SIN3B: variants seen among roughly 807,000 people sequenced by gnomAD.
The protein encoded by SIN3B is paired amphipathic helix protein Sin3b.
SIN3B carries 19 observed loss-of-function variants against 120.2 expected under a neutral mutation model. That is an observed-to-expected ratio of 0.16 (90% CI 0.11 to 0.23). SIN3B has a LOEUF of 0.23. Ranked by LOEUF, SIN3B falls within the 10% of genes least tolerant of loss-of-function variation. The probability of loss-of-function intolerance (pLI) is 1.00; values close to 1 mark genes in which losing one functional copy is unlikely to be tolerated. For synonymous variants in SIN3B, 654 were observed against 653.2 expected (o/e 1.00, Z -0.02); for missense variants, 1,073 against 1,573.0 (o/e 0.68, Z 5.38).
chr19:16,862,790 G>C lies in SIN3B; in HGVS notation c.1266+231G>C, dbSNP rs1971706657. On this transcript the variant is annotated intron_variant, in intron 9 of 18. Transcript: ENST00000248054. The surrounding 1 kb of genome is among the most constrained non-coding windows in gnomAD (Gnocchi z 4.7). ...CACAGAGTGCCAGGGATAACGTGGA[G>C]TTCGGCTTATTCATCTGTTATTTGA... 4 of 1,101,890 alleles carry C rather than the reference G, an allele frequency of 3.6e-6. 1 individual carries two copies. In the South Asian group the frequency reaches 3.9e-5, roughly 11 times the overall value. 68.3% of individuals were successfully genotyped at this position (1,101,890 alleles called of 1,614,324 possible). A position where few individuals can be genotyped will look rare whatever the true frequency, so the allele number is the denominator to read the frequency against.
At chr19:16,850,691 A>G (rs1170897450) in intron 5 of SIN3B, among the ~76,000 whole-genome samples, 1 of 152,156 alleles carries the variant, frequency 6.6e-6, no homozygotes, top group Non-Finnish European at 1.5e-5. Context: ...AGCTCTGCCC[A>G]CGTCCTGCAG....
intron 16 of SIN3B, chr19:16,877,150 A>G (rs1010601423): frequency 4.2e-6 from 1 of 240,240 alleles, no homozygotes; most frequent in Non-Finnish European, 8.2e-6. Context: ...TGGGGCTACC[A>G]CCACAATGAC....
rs1476471754 is a variant in SIN3B at position 16,869,492 on chromosome 19, C to T, written c.1839C>T (p.Ala613=). The T allele has an allele frequency of 6.2e-7, 1 of 1,612,236 alleles. No homozygotes were observed. The highest frequency in any genetic ancestry group is 1.7e-5 in the Admixed American group (1 of 59,970). The change falls in exon 13 of 19, where the codon GCC becomes GCT. Residue 613 remains alanine, a synonymous_variant. Transcript: ENST00000248054. ...AGCAGCACTCGGAGGGCCGCAGTGC[C>T]CCCTCTAGCGAGCCGCACCTCATCT... ...HQEQHSEGRS[A]PSSEPHLIFV...
intron 4 of SIN3B, among the ~76,000 whole-genome samples, chr19:16,842,212 C>T (rs1971427061): frequency 1.3e-5 from 2 of 152,052 alleles, no homozygotes; most frequent in Admixed American, 1.3e-4. Flanking sequence ...TTCAGCCTCC[C>T]AAGTAGCGGA....
At chr19:16,843,674 C>G (rs907294906) in intron 4 of SIN3B, among the ~76,000 whole-genome samples, 6 of 152,154 alleles carry the variant, frequency 3.9e-5, no homozygotes, top group Non-Finnish European at 7.4e-5. Flanking sequence ...TGAATTTAGA[C>G]AAGGTCACAA....
intron 3 of SIN3B, among the ~76,000 whole-genome samples, chr19:16,833,722 G>T (rs1473674293): frequency 6.8e-6 from 1 of 146,126 alleles, no homozygotes; most frequent in Non-Finnish European, 1.5e-5. Flanking sequence ...GAGTCTCAGG[G>T]TTTTTTTTTT....
intron 5 of SIN3B, among the ~76,000 whole-genome samples, chr19:16,848,156 A>G (rs1971502288): frequency 6.6e-6 from 1 of 152,116 alleles, no homozygotes; most frequent in African/African-American, 2.4e-5. Context: ...TATTCTGTTG[A>G]TGGACATTTG....
At chr19:16,873,536 G>T (rs886716387) in intron 14 of SIN3B, among the ~76,000 whole-genome samples, 1 of 124,192 alleles carries the variant, frequency 8.1e-6, no homozygotes, top group Admixed American at 8.3e-5. Flanking sequence ...CCCCCCCCCA[G>T]GCTGGGCACC....
In SIN3B at chr19:16,877,585, G is replaced by T. The variant is rs771351095; in HGVS notation, c.2900G>T (p.Gly967Val). The part of the protein sequence containing the change: ...RYVEQYVGTE[G>V]ASSSPTEGFL... ...GTGGAGCAGTATGTGGGGACCGAGGGCGCGTCCAGCTCGCCCACTGAGGGC... is the reference window on the plus strand; with the variant it reads ...GTGGAGCAGTATGTGGGGACCGAGGTCGCGTCCAGCTCGCCCACTGAGGGC... The change falls in exon 17 of 19, where the codon GGC becomes GTC. Residue 967 changes from glycine (G) to valine (V), a missense_variant. Gly to Val is a moderately radical substitution (Grantham distance 109). Around this residue, in one of 7 missense-constraint regions of SIN3B, gnomAD observed 311 missense variants for 400.3 expected, o/e 0.78. Coordinates refer to ENST00000248054, the MANE Select transcript of SIN3B (RefSeq NM_001297595.2). 1 of 1,612,382 alleles carries T rather than the reference G, an allele frequency of 6.2e-7. No homozygotes were observed. The highest frequency in any genetic ancestry group is 1.7e-5 in the Admixed American group (1 of 59,830).
chr19:16,871,473 G>C, intron 14 of SIN3B, 75 bp downstream of exon 14: 1 of 1,422,092 alleles, frequency 7.0e-7, no homozygotes. Context: ...CCCCGCTCGG[G>C]AGGGGGCCCG....
At chr19:16,871,192 C>T in intron 13 of SIN3B, 37 bp from the exon 14 acceptor site, 3 of 1,613,586 alleles carry the variant, frequency 1.9e-6, no homozygotes, top group Non-Finnish European at 2.5e-6. Context: ...TTTGCGCTCT[C>T]CAGGAGGCAT....
Position 16,865,585 on chromosome 19 carries a change from C to T in SIN3B, c.1559C>T (p.Ala520Val). The T allele has an allele frequency of 6.2e-7, 1 of 1,613,102 alleles. No individual in the cohort carries two copies. Among genetic ancestry groups the T allele is most frequent in the Non-Finnish European group, 8.5e-7 (1 of 1,179,460 alleles). ...RAIYRIYGDK[A>V]PEIIESLKKN... ...ATTTATCGCATCTATGGCGACAAGGCCCCGGAGATCATCGAGAGCCTCAAG... is the reference window on the plus strand; with the variant it reads ...ATTTATCGCATCTATGGCGACAAGGTCCCGGAGATCATCGAGAGCCTCAAG... The change falls in exon 11 of 19, where the codon GCC becomes GTC. Residue 520 changes from alanine (A) to valine (V), a missense_variant. Ala to Val is a moderately conservative substitution (Grantham distance 64). Around this residue, in one of 7 missense-constraint regions of SIN3B, gnomAD observed 118 missense variants for 281.6 expected, o/e 0.42. Transcript: ENST00000248054.
At position 16,875,203 on chromosome 19, in the gene SIN3B, GGTCT is replaced by G. The variant is rs1433199418; in HGVS notation, c.2593-846_2593-843del. Among the ~76,000 whole-genome samples the G allele has an allele frequency of 2.9e-5, 4 of 139,248 alleles. No homozygotes were observed. In the East Asian group the frequency reaches 7.2e-4, roughly 25 times the overall value. 91.4% of individuals were successfully genotyped at this position (139,248 alleles called of 152,430 possible). On this transcript the variant is annotated intron_variant, in intron 14 of 18. Coordinates refer to ENST00000248054, the MANE Select transcript of SIN3B (RefSeq NM_001297595.2). The stretch of plus-strand genomic sequence containing the variant: ...TGTTTGGTCTGGTCTGGTCTGGTCT[GGTCT>G]GTCTGGTCTGGTTTGGTCTGGTCTG...
intron 8 of SIN3B, among the ~76,000 whole-genome samples, chr19:16,858,493 GT>G (rs36002818): frequency 4.0e-5 from 6 of 150,952 alleles, no homozygotes; most frequent in African/African-American, 7.3e-5. Context: ...TGTTTCCTTT[GT>G]TTTTTTTTAG....
At chr19:16,867,034 C>G (rs756003799) in intron 12 of SIN3B, among the ~76,000 whole-genome samples, 1 of 152,314 alleles carries the variant, frequency 6.6e-6, no homozygotes, top group East Asian at 1.9e-4. Context: ...GGATTACATG[C>G]GTAAGCCACC....
intron 14 of SIN3B, among the ~76,000 whole-genome samples, chr19:16,874,381 G>C (rs2051554463): frequency 1.3e-5 from 2 of 151,320 alleles, no homozygotes; most frequent in African/African-American, 4.9e-5. Flanking sequence ...TTTTGGTTTG[G>C]TCTGGTTTGG....
At chr19:16,871,420 C>G (rs759115327) in intron 14 of SIN3B, 22 bp downstream of exon 14, 2 of 1,583,670 alleles carry the variant, frequency 1.3e-6, no homozygotes, top group African/African-American at 2.7e-5. Flanking sequence ...CGGGGTGGGG[C>G]CGGCCCTGAG....
chr19:16,843,665 G>C (rs1438398969), intron 4 of SIN3B, among the ~76,000 whole-genome samples: 1 of 152,186 alleles, frequency 6.6e-6, no homozygotes, highest in Non-Finnish European at 1.5e-5. Context: ...CACTAGAGAT[G>C]AATTTAGACA....
chr19:16,853,701 C>T lies in SIN3B; in HGVS notation c.940-442C>T, dbSNP rs1459224393. 6.8e-5 allele frequency among the ~76,000 whole-genome samples: 10 copies of T among 147,936 alleles called. No individual in the cohort carries two copies. In the South Asian group the frequency reaches 1.3e-3, roughly 19 times the overall value. On this transcript the variant is annotated intron_variant, in intron 7 of 18. Transcript: ENST00000248054. ...GCTGTGTGAATTGCTGCACGGATCGCGTGCACGGGCTGCGTGAATTGCACG... is the reference window on the plus strand; with the variant it reads ...GCTGTGTGAATTGCTGCACGGATCGTGTGCACGGGCTGCGTGAATTGCACG...
Sources: gnomAD v4.1 joint callset for allele counts (sites outside exome capture counted in the v4.1 genomes callset) on GRCh38, gnomAD v4.1.1 for gene constraint, gnomAD v4.1.1 regional missense constraint, Gnocchi (gnomAD v3.1) non-coding constraint, MANE v1.5 for transcripts, NCBI Gene and HGNC (gene_info 2026-07-23, HGNC 2026-07-21) for gene names.